ELAPOR2: variants seen among roughly 807,000 people sequenced by gnomAD.
The protein encoded by ELAPOR2 is endosome-lysosome associated apoptosis and autophagy regulator family member 2, also known as endosome/lysosome-associated apoptosis and autophagy regulator family member 2.
ELAPOR2 carries 89 observed loss-of-function variants against 120.7 expected under a neutral mutation model. The observed-to-expected ratio is 0.74, with a 90% confidence interval of 0.62 to 0.88. The LOEUF is 0.88. ELAPOR2 is among the 40% of genes least tolerant of loss of function. The probability of loss-of-function intolerance (pLI) is 0.00; values close to 1 mark genes in which losing one functional copy is unlikely to be tolerated. For missense variants in ELAPOR2, 1,134 were observed against 1,251.6 expected (o/e 0.91, Z 1.42); for synonymous variants, 444 against 444.9 (o/e 1.00, Z 0.03).
At chr7:86,890,577 T>C (rs935396480) in intron 21 of ELAPOR2, among the ~76,000 whole-genome samples, 4 of 152,028 alleles carry the variant, frequency 2.6e-5, no homozygotes, top group African/African-American at 4.8e-5. Context: ...GTTATTACTC[T>C]GCTAGCACTA....
chr7:87,043,069 T>A (rs1794836371), intron 1 of ELAPOR2, among the ~76,000 whole-genome samples: 1 of 152,028 alleles, frequency 6.6e-6, no homozygotes. Context: ...AGGAAGAAGT[T>A]GAATCTCTGA....
intron 1 of ELAPOR2, among the ~76,000 whole-genome samples, chr7:87,036,989 C>A (rs1794609269): frequency 6.6e-6 from 1 of 152,138 alleles, no homozygotes; most frequent in African/African-American, 2.4e-5. Context: ...CTATATCATA[C>A]TCCAGATTTA....
At chr7:87,019,177 T>C (rs1000790440) in intron 1 of ELAPOR2, among the ~76,000 whole-genome samples, 3 of 152,218 alleles carry the variant, frequency 2.0e-5, no homozygotes, top group Non-Finnish European at 4.4e-5. Flanking sequence ...TGTTTATTTA[T>C]TTTTGAGACA....
rs183040394 is a variant in ELAPOR2, at chr7:86,990,539, G to A, written c.190-25515C>T. Among the ~76,000 whole-genome samples the A allele has an allele frequency of 5.0e-4, 76 of 152,084 alleles. 1 individual carries two copies. The highest frequency in any genetic ancestry group is 1.8e-3 in the African/African-American group (75 of 41,476). ...GATTGTAAGAAATTACTCAGTTTCA[G>A]GTATTTTGTTATAAGCAACAGAAAA... On this transcript the variant is annotated intron_variant, in intron 1 of 21. Coordinates refer to ENST00000450689, the MANE Select transcript of ELAPOR2 (RefSeq NM_001142749.3).
intron 2 of ELAPOR2, among the ~76,000 whole-genome samples, chr7:86,956,109 T>C (rs901322481): frequency 7.2e-5 from 11 of 152,192 alleles, no homozygotes; most frequent in African/African-American, 2.7e-4. Context: ...AAAGCTGCTA[T>C]GTCAGCTCTG....
chr7:86,974,900 T>C (rs1195665978), intron 1 of ELAPOR2, among the ~76,000 whole-genome samples: 2 of 152,166 alleles, frequency 1.3e-5, no homozygotes, highest in African/African-American at 4.8e-5. Flanking sequence ...TCTAAATCAC[T>C]TTCCCTGATG....
intron 1 of ELAPOR2, among the ~76,000 whole-genome samples, chr7:87,000,783 T>A (rs145798458): frequency 1.3e-5 from 2 of 152,138 alleles, no homozygotes; most frequent in African/African-American, 4.8e-5. Flanking sequence ...TTGCTAAATT[T>A]CTGGCAAAGC....
intron 1 of ELAPOR2, among the ~76,000 whole-genome samples, chr7:86,977,860 C>T (rs892077180): frequency 1.3e-5 from 2 of 152,156 alleles, no homozygotes; most frequent in African/African-American, 2.4e-5. Flanking sequence ...TACCCTTTAT[C>T]ATATCAAGTT....
At chr7:87,035,129 C>A (rs953412838) in intron 1 of ELAPOR2, among the ~76,000 whole-genome samples, 1 of 151,782 alleles carries the variant, frequency 6.6e-6, no homozygotes, top group African/African-American at 2.4e-5. Context: ...ACGACTAATG[C>A]ATCAAGGTCA....
chr7:86,963,454 T>C (rs1317085942), intron 2 of ELAPOR2, among the ~76,000 whole-genome samples: 3 of 152,152 alleles, frequency 2.0e-5, no homozygotes, highest in African/African-American at 7.2e-5. Context: ...TTTGCCAGTT[T>C]TCATGGATAC....
intron 3 of ELAPOR2, among the ~76,000 whole-genome samples, chr7:86,946,540 C>T (rs796649022): frequency 7.2e-5 from 11 of 152,234 alleles, no homozygotes; most frequent in African/African-American, 2.2e-4. Context: ...GCACCTGCCA[C>T]CACGCCAGGC....
Position 86,908,543 on chromosome 7 carries a change from C to T in ELAPOR2, c.2360G>A (p.Gly787Glu). 1 of 1,416,314 alleles carries T rather than the reference C, an allele frequency of 7.1e-7. No homozygotes were observed. The highest frequency in any genetic ancestry group is 2.1e-5 in the Admixed American group (1 of 47,536). 87.7% of individuals were successfully genotyped at this position (1,416,314 alleles called of 1,614,324 possible). The change falls in exon 17 of 22, where the codon GGA becomes GAA. Residue 787 changes from glycine to glutamate, a missense_variant and splice_region_variant. Gly to Glu is a moderately conservative substitution (Grantham distance 98). Around this residue, in one of 3 missense-constraint regions of ELAPOR2, gnomAD observed 831 missense variants for 867.6 expected, o/e 0.96. Coordinates refer to ENST00000450689, the MANE Select transcript of ELAPOR2 (RefSeq NM_001142749.3). ...TTTCAATGTGGTTTCAACTGTGACT[C>T]CTAGATGACATTTAAAAAGAAACTA... ...QSIILADTFI[G>E]VTVETTLKNI... is the part of the protein sequence containing the mutation.
chr7:87,034,675 T>C (rs1156860558), intron 1 of ELAPOR2, among the ~76,000 whole-genome samples: 1 of 152,140 alleles, frequency 6.6e-6, no homozygotes, highest in African/African-American at 2.4e-5. Flanking sequence ...TGCATTACAT[T>C]TTCAAGGGTC....
chr7:86,946,202 C>G (rs1036154342), intron 3 of ELAPOR2, among the ~76,000 whole-genome samples: 2 of 150,126 alleles, frequency 1.3e-5, no homozygotes, highest in Non-Finnish European at 2.9e-5. Flanking sequence ...TGTGCATACA[C>G]TGGAAAGCCT....
intron 8 of ELAPOR2, among the ~76,000 whole-genome samples, chr7:86,932,068 T>C (rs1790353082): frequency 6.6e-6 from 1 of 151,856 alleles, no homozygotes. Flanking sequence ...GAGAGAATTA[T>C]TGGTTGGCTA....
chr7:86,904,972 G>A (rs1421210014), intron 18 of ELAPOR2, among the ~76,000 whole-genome samples: 2 of 151,762 alleles, frequency 1.3e-5, no homozygotes, highest in African/African-American at 2.4e-5. Context: ...GCAAGTGTCT[G>A]GTTAGCATCT....
At chr7:86,955,767 T>C (rs1186621025) in intron 2 of ELAPOR2, among the ~76,000 whole-genome samples, 4 of 152,072 alleles carry the variant, frequency 2.6e-5, no homozygotes, top group Non-Finnish European at 5.9e-5. Context: ...TCTTCTTCTG[T>C]GTAACCATAA....
chr7:86,953,886 A>G (rs1462460804), intron 2 of ELAPOR2, among the ~76,000 whole-genome samples: 1 of 152,202 alleles, frequency 6.6e-6, no homozygotes, highest in Non-Finnish European at 1.5e-5. Flanking sequence ...AAAGAGTGAT[A>G]TTTAAAAACC....
chr7:87,000,346 T>C (rs2116628739), intron 1 of ELAPOR2, among the ~76,000 whole-genome samples: 1 of 152,120 alleles, frequency 6.6e-6, no homozygotes, highest in South Asian at 2.1e-4. Flanking sequence ...CTCTGGGTGG[T>C]TTTCTACATC....
Sources: allele counts gnomAD v4.1 joint callset (sites outside exome capture counted in the v4.1 genomes callset), GRCh38; gene constraint gnomAD v4.1.1; regional missense constraint gnomAD v4.1.1; transcripts MANE v1.5; gene names NCBI Gene and HGNC (gene_info 2026-07-23, HGNC 2026-07-21).